Variants in ITGAV observed in about 807,000 individuals in gnomAD.
ITGAV encodes integrin subunit alpha V, also known as integrin alpha-V.
Under a neutral mutation model 143.8 loss-of-function variants are expected in ITGAV, and 76 were observed. That is an observed-to-expected ratio of 0.53 (90% CI 0.44 to 0.64). The LOEUF is 0.64. Among genes scored for constraint, ITGAV ranks in the 30% least tolerant of loss-of-function variants. ITGAV has a pLI of 0.00. For missense variants in ITGAV, 1,193 were observed against 1,274.7 expected, an observed-to-expected ratio of 0.94 and a Z score of 0.98; for synonymous variants, 453 against 446.7, an observed-to-expected ratio of 1.01 and a Z score of -0.18.
chr2:186,649,348 AT>A (rs1688360972), intron 13 of ITGAV, among the ~76,000 whole-genome samples: 1 of 151,656 alleles, frequency 6.6e-6, no homozygotes, highest in African/African-American at 2.4e-5. Context: ...TAGAGCTCTC[AT>A]TTGACTTTTT....
intron 1 of ITGAV, among the ~76,000 whole-genome samples, chr2:186,594,318 G>A (rs1287262018): frequency 6.6e-6 from 1 of 152,000 alleles, no homozygotes; most frequent in African/African-American, 2.4e-5. Flanking sequence ...TGTCACCTTG[G>A]AAATACTTTC....
At chr2:186,644,197 G>A (rs983412962) in intron 12 of ITGAV, among the ~76,000 whole-genome samples, 1 of 152,154 alleles carries the variant, frequency 6.6e-6, no homozygotes, top group African/African-American at 2.4e-5. Flanking sequence ...GCCTGCCTCG[G>A]CCTCCAAAGG....
In ITGAV at chr2:186,678,798, C is replaced by T. The variant is rs200165648; in HGVS notation, c.*1506C>T. On this transcript the variant is annotated 3_prime_UTR_variant, in exon 30 of 30. Transcript: ENST00000261023. ...TTAATAGCTCTTTAACTGCTGTCCTCATTAGGTAATGATAAATATTTCCCT... is the reference window on the plus strand; with the variant it reads ...TTAATAGCTCTTTAACTGCTGTCCTTATTAGGTAATGATAAATATTTCCCT... 1 of 439,792 alleles carries T rather than the reference C, an allele frequency of 2.3e-6. No homozygotes were observed. The highest frequency in any genetic ancestry group is 7.1e-5 in the East Asian group (1 of 14,084). The allele number at this position is 439,792 out of a possible 1,614,324, so 27.2% of individuals were successfully genotyped here.
chr2:186,617,832 T>C (rs1687408841), intron 2 of ITGAV, among the ~76,000 whole-genome samples: 7 of 152,262 alleles, frequency 4.6e-5, no homozygotes, highest in African/African-American at 2.4e-5. Context: ...TTTGTGACTA[T>C]GGACAGAAAT....
At chr2:186,602,251 T>C in intron 2 of ITGAV, 100 bp downstream of exon 2, 1 of 841,990 alleles carries the variant, frequency 1.2e-6, no homozygotes, top group South Asian at 2.1e-5. Flanking sequence ...ATTATATAGA[T>C]AAGCACCTCA....
chr2:186,613,480 T>C (rs1453314978), intron 2 of ITGAV, among the ~76,000 whole-genome samples: 1 of 152,224 alleles, frequency 6.6e-6, no homozygotes, highest in Non-Finnish European at 1.5e-5. Flanking sequence ...GAAACAGCTG[T>C]ATCTTATTTT....
At chr2:186,614,866 A>G (rs1574468077) in intron 2 of ITGAV, among the ~76,000 whole-genome samples, 1 of 152,046 alleles carries the variant, frequency 6.6e-6, no homozygotes, top group African/African-American at 2.4e-5. Context: ...TTATTGAGAT[A>G]TAATTTACCA....
chr2:186,628,133 A>G (rs1687723885), intron 4 of ITGAV, among the ~76,000 whole-genome samples: 1 of 152,188 alleles, frequency 6.6e-6, no homozygotes, highest in Non-Finnish European at 1.5e-5. Context: ...ACCAATTCAC[A>G]CAAAAAACTT....
chr2:186,594,640 A>G (rs928182418), intron 1 of ITGAV, among the ~76,000 whole-genome samples: 24 of 152,322 alleles, frequency 1.6e-4, no homozygotes, highest in African/African-American at 3.4e-4. Flanking sequence ...AAAAATTTTC[A>G]TAATAAAGCT....
At chr2:186,638,156 A>G (rs1053070924) in intron 8 of ITGAV, 121 bp from the exon 9 acceptor site, 2 of 801,516 alleles carry the variant, frequency 2.5e-6, no homozygotes, top group Non-Finnish European at 2.0e-6. Context: ...ATTTTTCTAA[A>G]TTGATTGTTT....
intron 6 of ITGAV, 100 bp from the exon 7 acceptor site, chr2:186,635,982 A>G (rs572216722): frequency 1.2e-4 from 113 of 907,434 alleles, no homozygotes; most frequent in Admixed American, 4.7e-4. Flanking sequence ...AGAAGTACTA[A>G]TATCTAATAT....
At chr2:186,649,484 A>G (rs1688365169) in intron 13 of ITGAV, among the ~76,000 whole-genome samples, 1 of 152,172 alleles carries the variant, frequency 6.6e-6, no homozygotes, top group African/African-American at 2.4e-5. Context: ...TATAGAAAAT[A>G]GAAAGGAAAT....
chr2:186,635,944 C>A, intron 6 of ITGAV, 138 bp from the exon 7 acceptor site: 3 of 603,972 alleles, frequency 5.0e-6, no homozygotes, highest in South Asian at 3.1e-5. Flanking sequence ...TGAGTATGAT[C>A]AAGGAGAGTT....
intron 1 of ITGAV, among the ~76,000 whole-genome samples, chr2:186,594,784 T>G (rs1050278852): frequency 6.6e-6 from 1 of 152,212 alleles, no homozygotes; most frequent in African/African-American, 2.4e-5. Flanking sequence ...TCACAACACT[T>G]TACAAAATGA....
intron 22 of ITGAV, 74 bp downstream of exon 22, chr2:186,666,857 C>T: frequency 1.4e-6 from 1 of 722,250 alleles, no homozygotes; most frequent in Non-Finnish European, 2.1e-6. Flanking sequence ...ATGTAATATA[C>T]TTTAAATATA....
intron 1 of ITGAV, among the ~76,000 whole-genome samples, chr2:186,601,560 A>G (rs570945984): frequency 3.0e-4 from 45 of 152,264 alleles, no homozygotes; most frequent in Admixed American, 2.6e-3. Context: ...ATACTTTGGA[A>G]TAATTTACTT....
chr2:186,676,706 AAG>A (rs1451214291), intron 28 of ITGAV, 105 bp from the exon 29 acceptor site: 42 of 1,211,734 alleles, frequency 3.5e-5, no homozygotes, highest in Non-Finnish European at 4.6e-5. Context: ...TATGCAGGAA[AAG>A]AATATACTGT....
chr2:186,614,333 A>G (rs1687295043), intron 2 of ITGAV, among the ~76,000 whole-genome samples: 1 of 152,000 alleles, frequency 6.6e-6, no homozygotes, highest in Non-Finnish European at 1.5e-5. Flanking sequence ...CTGTGTGTAA[A>G]TATACAAAAT....
intron 2 of ITGAV, among the ~76,000 whole-genome samples, chr2:186,606,563 A>C (rs13395039): frequency 0.014 from 2,118 of 151,964 alleles, 51 homozygotes; most frequent in African/African-American, 0.049. Flanking sequence ...GACCCTCCCT[A>C]TTCCTTCATT....
Sources: allele counts gnomAD v4.1 joint callset (sites outside exome capture counted in the v4.1 genomes callset), GRCh38; gene constraint gnomAD v4.1.1; transcripts MANE v1.5; gene names NCBI Gene and HGNC (gene_info 2026-07-23, HGNC 2026-07-21).